The following COL4A5 variants were observed in gnomAD, a reference collection of about 807,000 sequenced individuals.
COL4A5 encodes the protein collagen type IV alpha 5 chain, also known as collagen alpha-5(IV) chain.
In COL4A5, 26 loss-of-function variants were observed where a neutral mutation model predicts 130.2. That is an observed-to-expected ratio of 0.20 (90% CI 0.15 to 0.28). The LOEUF (loss-of-function observed/expected upper bound fraction) is 0.28. Among genes scored for constraint, COL4A5 ranks in the 10% least tolerant of loss-of-function variants. The pLI, the probability that COL4A5 is intolerant of heterozygous loss-of-function variation, is 1.00. For missense variants in COL4A5, 1,131 were observed against 1,344.3 expected (o/e 0.84, Z 2.48); for synonymous variants, 496 against 439.6 (o/e 1.13, Z -1.60).
chrX:108,535,702 A>C (rs968042804), intron 1 of COL4A5, among the ~76,000 whole-genome samples: 1 of 111,784 alleles, frequency 8.9e-6, no homozygotes, highest in Non-Finnish European at 1.9e-5. Context: ...AACAAAACCC[A>C]AAAATTATCC....
intron 2 of COL4A5, among the ~76,000 whole-genome samples, 166 bp from the exon 3 acceptor site, chrX:108,558,898 C>G: frequency 8.9e-6 from 1 of 112,317 alleles, no homozygotes; most frequent in Middle Eastern, 4.7e-3. Context: ...TGTGTTTTCT[C>G]CCCCCACATC....
chrX:108,592,017 C>G (rs1343683197), intron 21 of COL4A5, among the ~76,000 whole-genome samples: 1 of 111,846 alleles, frequency 8.9e-6, no homozygotes, highest in East Asian at 2.8e-4. Flanking sequence ...TTGCCCTTCT[C>G]TCACTTCATT....
rs1166494631 is a variant in COL4A5, at chrX:108,526,595, C to CCTTTCTTT, written c.82-13091_82-13084dup. On this transcript the variant is annotated intron_variant, in intron 1 of 52. Coordinates refer to ENST00000328300, the MANE Select transcript of COL4A5 (RefSeq NM_033380.3). ...TTCCTCCCTCCCTCCCTCCCTCCCT[C>CCTTTCTTT]CTTTCTTTCTTTCTTTCTTTCTTTC... Among the ~76,000 whole-genome samples the CCTTTCTTT allele has an allele frequency of 7.0e-3, 232 of 33,238 alleles. 5 individuals are homozygous for CCTTTCTTT. Among genetic ancestry groups the CCTTTCTTT allele is most frequent in the East Asian group, 0.019 (16 of 821 alleles). 28.9% of individuals were successfully genotyped at this position (33,238 alleles called of 115,157 possible).
chrX:108,515,445 A>G (rs1322827379), intron 1 of COL4A5, among the ~76,000 whole-genome samples: 2 of 112,041 alleles, frequency 1.8e-5, no homozygotes, highest in African/African-American at 6.5e-5. Flanking sequence ...ATATGCATAT[A>G]AGACATATCC....
intron 24 of COL4A5, among the ~76,000 whole-genome samples, chrX:108,598,063 C>T (rs112333355): frequency 0.095 from 10,475 of 109,940 alleles, 1,147 homozygotes; most frequent in African/African-American, 0.32. Context: ...TGGTGGTGGG[C>T]GCCTGTAATC....
intron 36 of COL4A5, among the ~76,000 whole-genome samples, chrX:108,630,930 G>A (rs372406842): frequency 8.9e-6 from 1 of 111,996 alleles, no homozygotes; most frequent in Non-Finnish European, 1.9e-5. Flanking sequence ...TCCATTTCTT[G>A]TTTTGGTCAG....
intron 2 of COL4A5, among the ~76,000 whole-genome samples, chrX:108,545,460 G>A (rs978668089): frequency 3.6e-5 from 4 of 111,853 alleles, no homozygotes; most frequent in African/African-American, 9.8e-5. Context: ...TGATTGCACT[G>A]TGGTCTGAGA....
At chrX:108,454,965 G>A (rs1341663701) in intron 1 of COL4A5, among the ~76,000 whole-genome samples, 5 of 111,554 alleles carry the variant, frequency 4.5e-5, no homozygotes, top group African/African-American at 1.6e-4. Flanking sequence ...ACAATAAAAT[G>A]CATATATTTG....
intron 37 of COL4A5, among the ~76,000 whole-genome samples, chrX:108,660,241 G>A (rs1293555034): frequency 9.0e-6 from 1 of 111,354 alleles, no homozygotes; most frequent in African/African-American, 3.3e-5. Context: ...ACAATTAATT[G>A]CTATTACTAT....
chrX:108,507,465 A>T (rs2065136817), intron 1 of COL4A5, among the ~76,000 whole-genome samples: 1 of 111,657 alleles, frequency 9.0e-6, no homozygotes, highest in South Asian at 3.8e-4. Flanking sequence ...AACTAAAGAC[A>T]AGTCCACATG....
At chrX:108,508,651 C>T (rs1226228975) in intron 1 of COL4A5, among the ~76,000 whole-genome samples, 1 of 108,660 alleles carries the variant, frequency 9.2e-6, no homozygotes, top group African/African-American at 3.4e-5. Context: ...ATCACATCAC[C>T]CAACTTCAAA....
intron 1 of COL4A5, among the ~76,000 whole-genome samples, chrX:108,508,557 CAAAAA>C (rs1182036182): frequency 1.7e-3 from 65 of 38,183 alleles, no homozygotes; most frequent in African/African-American, 6.9e-3. Flanking sequence ...CATGTAGGAC[CAAAAA>C]AAAAAAAAAA....
chrX:108,580,734 A>G lies in COL4A5; in HGVS notation c.887A>G (p.Lys296Arg). 1 of 1,208,544 alleles carries G rather than the reference A, an allele frequency of 8.3e-7. No homozygotes were observed. The highest frequency in any genetic ancestry group is 1.1e-6 in the Non-Finnish European group (1 of 892,634). The part of the protein sequence containing the change: ...GEKGEQGEPG[K>R]RGKPGKDGEN... Reference sequence around the variant, plus strand: ...AAGGGTGAGCAAGGAGAGCCAGGCAAAAGAGTAAGTGATGTAACTGCTAAT... The same window carrying G: ...AAGGGTGAGCAAGGAGAGCCAGGCAGAAGAGTAAGTGATGTAACTGCTAAT... The change falls in exon 15 of 53, where the codon AAA becomes AGA. Residue 296 changes from lysine to arginine, a missense_variant. Coordinates refer to ENST00000328300, the MANE Select transcript of COL4A5 (RefSeq NM_033380.3).
chrX:108,668,288 T>G (rs372022383), intron 40 of COL4A5, 31 bp from the exon 41 acceptor site: 73 of 1,176,759 alleles, frequency 6.2e-5, no homozygotes, highest in Non-Finnish European at 7.9e-5. Flanking sequence ...CTCGGTATTA[T>G]TTATCTTCTA....
intron 37 of COL4A5, among the ~76,000 whole-genome samples, chrX:108,663,795 G>C (rs1265934199): frequency 9.0e-6 from 1 of 110,969 alleles, no homozygotes; most frequent in East Asian, 2.8e-4. Context: ...GATTCAAAGT[G>C]ATTCCAGTTT....
Position 108,601,887 on chromosome X carries a change from G to A in COL4A5, c.2044G>A (p.Asp682Asn). ...GRDGDVGLPG[D>N]PGLPGQPGLP... ...CAATAACTGCTGTTTCTCCATAGGT[G>A]ACCCTGGACTTCCAGGGCAACCAGG... The change falls in exon 27 of 53, where the codon GAC (aspartate) becomes AAC (asparagine). Residue 682 changes from aspartate (D) to asparagine (N), a missense_variant and splice_region_variant. Asp to Asn is a conservative substitution (Grantham distance 23, BLOSUM62 1). Coordinates refer to ENST00000328300, the MANE Select transcript of COL4A5 (RefSeq NM_033380.3). 3 of 1,113,249 alleles carry A rather than the reference G, an allele frequency of 2.7e-6. No individual in the cohort carries two copies. Among genetic ancestry groups the A allele is most frequent in the Non-Finnish European group, 3.7e-6 (3 of 820,893 alleles). 91.7% of individuals were successfully genotyped at this position (1,113,249 alleles called of 1,213,427 possible). A position where few individuals can be genotyped will look rare whatever the true frequency, so the allele number is the denominator to read the frequency against.
intron 1 of COL4A5, among the ~76,000 whole-genome samples, chrX:108,460,093 T>G (rs770857825): frequency 7.3e-4 from 82 of 111,656 alleles, no homozygotes; most frequent in African/African-American, 2.7e-3. Context: ...CCTTACACAT[T>G]TTGAGTTCAT....
chrX:108,624,944 A>G (rs1409881087), intron 34 of COL4A5, among the ~76,000 whole-genome samples: 2 of 111,238 alleles, frequency 1.8e-5, no homozygotes, highest in Non-Finnish European at 3.8e-5. Context: ...CATTCTTACA[A>G]AGTCCCTTAA....
At chrX:108,539,117 T>C (rs189320781) in intron 1 of COL4A5, among the ~76,000 whole-genome samples, 2 of 112,043 alleles carry the variant, frequency 1.8e-5, no homozygotes, top group Non-Finnish European at 3.8e-5. Flanking sequence ...GTAGGCATTG[T>C]TGTCTAGTTG....
Sources: allele counts gnomAD v4.1 joint callset (sites outside exome capture counted in the v4.1 genomes callset), GRCh38; gene constraint gnomAD v4.1.1; transcripts MANE v1.5; gene names NCBI Gene and HGNC (gene_info 2026-07-23, HGNC 2026-07-21).